Variants in FAM217A observed in about 807,000 individuals in gnomAD.
FAM217A encodes family with sequence similarity 217 member A.
In FAM217A, 13 loss-of-function variants were observed where a neutral mutation model predicts 18.5. That is an observed-to-expected ratio of 0.70 (90% CI 0.46 to 1.12). FAM217A has a LOEUF of 1.12. Among genes scored for constraint, FAM217A ranks in the 50% most tolerant of loss-of-function variants. The pLI, the probability that FAM217A is intolerant of heterozygous loss-of-function variation, is 0.00. For synonymous variants in FAM217A, 161 were observed against 202.8 expected, an observed-to-expected ratio of 0.79 and a Z score of 1.75; for missense variants, 560 against 575.4, an observed-to-expected ratio of 0.97 and a Z score of 0.27.
At chr6:4,080,974 A>T (rs1770258321), upstream of FAM217A, among the ~76,000 whole-genome samples, 1 of 151,898 alleles carries the variant, frequency 6.6e-6, no homozygotes, top group African/African-American at 2.4e-5. Flanking sequence ...GCTTCGTTAT[A>T]ATGATTTAAT....
Position 4,073,311 on chromosome 6 carries a change from T to C in FAM217A, c.266A>G (p.Asn89Ser). 2 of 1,610,180 alleles carry C rather than the reference T, an allele frequency of 1.2e-6. No individual in the cohort carries two copies. Among genetic ancestry groups the C allele is most frequent in the Non-Finnish European group, 1.7e-6 (2 of 1,179,080 alleles). ...GGTACTTCCTTCATTAAGAGGACAA[T>C]TCCATAATTGAAAGATCCCTTGTTT... Reference protein sequence around the residue: ...NSKQGIFQLWNCPLNEGSTIE... With the variant: ...NSKQGIFQLWSCPLNEGSTIE... The change falls in exon 6 of 7, where the codon AAT (asparagine) becomes AGT (serine). Residue 89 changes from asparagine to serine, a missense_variant. By Grantham distance (46) the Asn-to-Ser change is conservative (BLOSUM62 1). Transcript: ENST00000274673.
chr6:4,079,685 G>A (rs776894997), upstream of FAM217A: 1 of 1,281,442 alleles, frequency 7.8e-7, no homozygotes, highest in Non-Finnish European at 1.0e-6. Context: ...CGCCCGGTAC[G>A]TAGTCCTCCA....
At chr6:4,070,039 T>G (rs1051576546) in intron 6 of FAM217A, 119 bp from the exon 7 acceptor site, 2 of 695,948 alleles carry the variant, frequency 2.9e-6, no homozygotes, top group African/African-American at 3.6e-5. Flanking sequence ...CAATGGCATA[T>G]GTGTATCTAG....
At chr6:4,081,340 G>A (rs1770283968), upstream of FAM217A, among the ~76,000 whole-genome samples, 1 of 151,990 alleles carries the variant, frequency 6.6e-6, no homozygotes, top group African/African-American at 2.4e-5. Flanking sequence ...GTCTTGCTCT[G>A]TCACCCAGGC....
rs980109775 is a variant in FAM217A at position 4,075,804 on chromosome 6, G to A, written c.61-1143C>T. On this transcript the variant is annotated intron_variant, in intron 2 of 6. Transcript: ENST00000274673. ...GAAATAAGCTTCAATACAGCATGAG[G>A]ATTAATTTATCCACAAAGAGATATC... Among the ~76,000 whole-genome samples, 5 of 152,142 alleles carry A rather than the reference G, an allele frequency of 3.3e-5. 1 individual carries two copies. In the East Asian group the frequency reaches 5.8e-4, roughly 18 times the overall value.
intron 1 of FAM217A, among the ~76,000 whole-genome samples, chr6:4,085,399 A>G (rs1770594988): frequency 6.6e-6 from 1 of 152,018 alleles, no homozygotes; most frequent in African/African-American, 2.4e-5. Flanking sequence ...GACCTACTTC[A>G]GATTTCAACC....
intron 1 of FAM217A, among the ~76,000 whole-genome samples, chr6:4,086,605 C>G (rs930515499): frequency 6.6e-6 from 1 of 152,098 alleles, no homozygotes; most frequent in East Asian, 1.9e-4. Context: ...GAAAAGCTAG[C>G]CCACGCTCCC....
At chr6:4,072,686 C>G (rs1477176732) in intron 6 of FAM217A, among the ~76,000 whole-genome samples, 1 of 151,586 alleles carries the variant, frequency 6.6e-6, no homozygotes, top group African/African-American at 2.4e-5. Context: ...TGCTTCAACC[C>G]AGGAGGCAGA....
intron 6 of FAM217A, among the ~76,000 whole-genome samples, chr6:4,071,825 C>A (rs1486772959): frequency 6.6e-6 from 1 of 152,080 alleles, no homozygotes; most frequent in Non-Finnish European, 1.5e-5. Context: ...AAGTAAAATT[C>A]TCTGACTAGG....
At chr6:4,080,595 C>T (rs780040650), upstream of FAM217A, among the ~76,000 whole-genome samples, 11 of 152,318 alleles carry the variant, frequency 7.2e-5, no homozygotes, top group Middle Eastern at 0.014. Context: ...CGGCTGTTTT[C>T]CATACTGCTG....
chr6:4,072,580 T>A lies in FAM217A; in HGVS notation c.302+695A>T, dbSNP rs559361691. On this transcript the variant is annotated intron_variant, in intron 6 of 6. Transcript: ENST00000274673. The stretch of plus-strand genomic sequence containing the variant: ...GAGTTTGAGACCAGCGTGACCAACA[T>A]GGAGAAACCCCGTCTCTACTAAAAA... Among the ~76,000 whole-genome samples, 409 of 152,022 alleles carry A rather than the reference T, an allele frequency of 2.7e-3. 1 individual carries two copies. The highest frequency in any genetic ancestry group is 9.5e-3 in the African/African-American group (392 of 41,476).
chr6:4,068,447 C>A lies in FAM217A; in HGVS notation c.*249G>T. ...GTAGCCTTTTGAATAGAATAGTCTA[C>A]CAAGTGAACCATTTACTTGAAACAC... On this transcript the variant is annotated 3_prime_UTR_variant, in exon 7 of 7. Transcript: ENST00000274673. 2 of 373,474 alleles carry A rather than the reference C, an allele frequency of 5.4e-6. No homozygotes were observed. The highest frequency in any genetic ancestry group is 9.5e-6 in the Non-Finnish European group (2 of 210,130). The allele number at this position is 373,474 out of a possible 1,614,324, so 23.1% of individuals were successfully genotyped here.
In FAM217A at chr6:4,076,650, G is replaced by A. The variant is rs575556035; in HGVS notation, c.60+705C>T. On this transcript the variant is annotated intron_variant, in intron 2 of 6. Coordinates refer to ENST00000274673, the MANE Select transcript of FAM217A (RefSeq NM_173563.3). Reference sequence around the variant, plus strand: ...TCCCAGCACTTTGGAAAGCCAAGGCGGGTGGATCACTTGAGGTCAGGAGTT... The same window carrying A: ...TCCCAGCACTTTGGAAAGCCAAGGCAGGTGGATCACTTGAGGTCAGGAGTT... Among the ~76,000 whole-genome samples, 8 of 152,256 alleles carry A rather than the reference G, an allele frequency of 5.3e-5. No homozygotes were observed. The South Asian group carries it at 6.2e-4, about 12-fold the overall frequency.
At chr6:4,072,027 T>C (rs902582863) in intron 6 of FAM217A, among the ~76,000 whole-genome samples, 5 of 152,052 alleles carry the variant, frequency 3.3e-5, no homozygotes, top group African/African-American at 1.2e-4. Flanking sequence ...ACGATAAAGT[T>C]TAAGAATCAA....
chr6:4,083,489 A>G (rs1400488965), upstream of FAM217A, among the ~76,000 whole-genome samples: 3 of 151,698 alleles, frequency 2.0e-5, no homozygotes, highest in African/African-American at 4.8e-5. Context: ...TTTTCCCTTT[A>G]GAATTGCCAA....
intron 1 of FAM217A, among the ~76,000 whole-genome samples, chr6:4,085,594 G>A (rs1655259460): frequency 6.6e-6 from 1 of 152,032 alleles, no homozygotes; most frequent in African/African-American, 2.4e-5. Context: ...AAGGTTTAGA[G>A]GAATGCACTC....
intron 4 of FAM217A, 34 bp from the exon 5 acceptor site, chr6:4,073,541 T>TA: frequency 6.5e-7 from 1 of 1,528,314 alleles, no homozygotes. Flanking sequence ...AAACATAATA[T>TA]ATCTCTGTTC....
At chr6:4,082,314 G>A (rs770110246), upstream of FAM217A, among the ~76,000 whole-genome samples, 1 of 152,088 alleles carries the variant, frequency 6.6e-6, no homozygotes, top group Non-Finnish European at 1.5e-5. Context: ...TTCTGTTGGG[G>A]CTCGGAAAAC....
At chr6:4,077,129 A>G (rs1023714500) in intron 2 of FAM217A, among the ~76,000 whole-genome samples, 1 of 152,256 alleles carries the variant, frequency 6.6e-6, no homozygotes, top group African/African-American at 2.4e-5. Context: ...CCAAATTGCA[A>G]TTAGAAATGT....
Sources: gnomAD v4.1 joint callset for allele counts (sites outside exome capture counted in the v4.1 genomes callset) on GRCh38, gnomAD v4.1.1 for gene constraint, MANE v1.5 for transcripts, NCBI Gene and HGNC (gene_info 2026-07-23, HGNC 2026-07-21) for gene names.